Variants in DAB1 observed in about 807,000 individuals in gnomAD.
DAB1 encodes DAB adaptor protein 1.
DAB1 carries 15 observed loss-of-function variants against 64.6 expected under a neutral mutation model. The ratio of observed to expected loss-of-function variants is 0.23; its 90% CI spans 0.16 to 0.36. DAB1 has a LOEUF of 0.36. Among genes scored for constraint, DAB1 ranks in the 10% least tolerant of loss-of-function variants. DAB1 has a pLI of 1.00. For missense variants in DAB1, 596 were observed against 706.7 expected, an observed-to-expected ratio of 0.84 and a Z score of 1.78; for synonymous variants, 235 against 251.9, an observed-to-expected ratio of 0.93 and a Z score of 0.64.
chr1:57,791,794 A>G (rs1160425742), intron 6 of DAB1, among the ~76,000 whole-genome samples: 1 of 152,178 alleles, frequency 6.6e-6, no homozygotes, highest in Non-Finnish European at 1.5e-5. Flanking sequence ...CTGAGATGTT[A>G]TGCAATTTGG....
chr1:57,618,204 CAGG>C (rs1645811975), intron 7 of DAB1, among the ~76,000 whole-genome samples: 1 of 152,074 alleles, frequency 6.6e-6, no homozygotes, highest in Non-Finnish European at 1.5e-5. Flanking sequence ...CACTTGAGGT[CAGG>C]AGTTCAAGAC....
chr1:57,143,840 T>A (rs1412064886), intron 3 of DAB1, among the ~76,000 whole-genome samples: 1 of 151,954 alleles, frequency 6.6e-6, no homozygotes, highest in Non-Finnish European at 1.5e-5. Context: ...TTTTTTTCCT[T>A]TTCTTTCTTT....
At chr1:57,509,355 G>C (rs1291947109) in intron 7 of DAB1, among the ~76,000 whole-genome samples, 1 of 152,024 alleles carries the variant, frequency 6.6e-6, no homozygotes, top group Non-Finnish European at 1.5e-5. Context: ...AAAGAACCAT[G>C]CTTGGAACTC....
chr1:57,950,208 C>T (rs929718149), intron 5 of DAB1, among the ~76,000 whole-genome samples: 2 of 152,118 alleles, frequency 1.3e-5, no homozygotes, highest in African/African-American at 4.8e-5. Flanking sequence ...GGTTTAATAC[C>T]TAAGTTTCTT....
intron 4 of DAB1, among the ~76,000 whole-genome samples, chr1:57,112,520 T>G (rs184033231): frequency 6.6e-6 from 1 of 152,202 alleles, no homozygotes; most frequent in Admixed American, 6.5e-5. Flanking sequence ...CAAGCCCAGG[T>G]AGAGAGCAAG....
intron 2 of DAB1, among the ~76,000 whole-genome samples, chr1:57,163,188 G>A (rs1354972324): frequency 6.6e-6 from 1 of 152,220 alleles, no homozygotes. Context: ...AGATAATGAG[G>A]AAGTAAATAA....
At chr1:57,634,868 C>T (rs931846831) in intron 7 of DAB1, among the ~76,000 whole-genome samples, 1 of 152,086 alleles carries the variant, frequency 6.6e-6, no homozygotes, top group South Asian at 2.1e-4. Context: ...AGAGGTATGG[C>T]AATGGGGTGG....
intron 6 of DAB1, among the ~76,000 whole-genome samples, chr1:57,747,802 C>G (rs1648350183): frequency 1.1e-5 from 1 of 91,510 alleles, no homozygotes; most frequent in Non-Finnish European, 1.9e-5. Context: ...GAGGAGGACT[C>G]TGTCCAAAAA....
At chr1:57,857,065 G>A (rs1189003088) in intron 1 of DAB1, among the ~76,000 whole-genome samples, 1 of 152,164 alleles carries the variant, frequency 6.6e-6, no homozygotes, top group Non-Finnish European at 1.5e-5. Flanking sequence ...ATCACTAGTG[G>A]TGTCTCTCAG....
intron 1 of DAB1, among the ~76,000 whole-genome samples, chr1:57,396,435 C>A (rs1682814081): frequency 6.6e-6 from 1 of 152,120 alleles, no homozygotes; most frequent in Middle Eastern, 3.4e-3. Flanking sequence ...GACACAGATC[C>A]CAGGATGCCA....
chr1:57,074,576 T>C (rs1470108105), intron 4 of DAB1, among the ~76,000 whole-genome samples: 1 of 152,176 alleles, frequency 6.6e-6, no homozygotes, highest in Non-Finnish European at 1.5e-5. Context: ...ACCTTATAAA[T>C]CATTTGTGGC....
intron 6 of DAB1, among the ~76,000 whole-genome samples, chr1:57,795,690 GATATATATAT>G (rs3081038): frequency 0.057 from 3,952 of 69,060 alleles, 150 homozygotes; most frequent in South Asian, 0.12. Context: ...TATGCTTGGA[GATATATATAT>G]ATATATATAT....
intron 4 of DAB1, among the ~76,000 whole-genome samples, chr1:58,323,789 G>A (rs1250988160): frequency 1.3e-5 from 2 of 151,926 alleles, no homozygotes; most frequent in Non-Finnish European, 2.9e-5. Context: ...GCCAGGCGTG[G>A]CGGTGGGCGC....
chr1:58,501,009 A>G (rs1403226761), intron 3 of DAB1, among the ~76,000 whole-genome samples: 1 of 152,212 alleles, frequency 6.6e-6, no homozygotes, highest in Non-Finnish European at 1.5e-5. Context: ...AAACATCAAC[A>G]AATTGATACA....
intron 2 of DAB1, among the ~76,000 whole-genome samples, chr1:57,246,564 G>GC (rs1408288093): frequency 2.0e-5 from 3 of 152,184 alleles, no homozygotes; most frequent in Non-Finnish European, 4.4e-5. Flanking sequence ...TGGGGTTGGA[G>GC]CCCCCCTACC....
At chr1:57,971,356 C>T (rs1372700646) in intron 5 of DAB1, among the ~76,000 whole-genome samples, 1 of 152,186 alleles carries the variant, frequency 6.6e-6, no homozygotes, top group Non-Finnish European at 1.5e-5. Flanking sequence ...TGAAGGTCAG[C>T]TGCTTATTCC....
chr1:58,497,540 G>T (rs1645823586), intron 3 of DAB1, among the ~76,000 whole-genome samples: 1 of 152,106 alleles, frequency 6.6e-6, no homozygotes, highest in Admixed American at 6.5e-5. Flanking sequence ...CCCCAAATAT[G>T]CCTCTTTAGC....
At chr1:57,775,826 CTTG>C (rs1356109864) in intron 6 of DAB1, among the ~76,000 whole-genome samples, 1 of 151,424 alleles carries the variant, frequency 6.6e-6, no homozygotes, top group Non-Finnish European at 1.5e-5. Flanking sequence ...TAACGGTAAT[CTTG>C]TTATTTTTCC....
chr1:57,162,087 G>T (rs1231338384), intron 2 of DAB1, among the ~76,000 whole-genome samples: 1 of 152,124 alleles, frequency 6.6e-6, no homozygotes, highest in Non-Finnish European at 1.5e-5. Flanking sequence ...CTTACTAAAG[G>T]CAGTGAAAAG....
Sources: allele counts gnomAD v4.1 joint callset (sites outside exome capture counted in the v4.1 genomes callset), GRCh38; gene constraint gnomAD v4.1.1; transcripts MANE v1.5; gene names NCBI Gene and HGNC (gene_info 2026-07-23, HGNC 2026-07-21).